The following ANKS1B variants were observed in gnomAD, a reference collection of about 807,000 sequenced individuals.
ANKS1B encodes the protein ankyrin repeat and sterile alpha motif domain-containing protein 1B.
A neutral mutation model predicts 148.3 loss-of-function variants in ANKS1B; 36 were observed. That is an observed-to-expected ratio of 0.24 (90% CI 0.19 to 0.32). The LOEUF is 0.32. ANKS1B is among the 10% of genes least tolerant of loss of function. The pLI, the probability that ANKS1B is intolerant of heterozygous loss-of-function variation, is 1.00. For synonymous variants in ANKS1B, 542 were observed against 560.8 expected (o/e 0.97, Z 0.47); for missense variants, 1,157 against 1,542.6 (o/e 0.75, Z 4.19).
At chr12:99,593,529 G>A (rs1174280301) in intron 9 of ANKS1B, among the ~76,000 whole-genome samples, 5 of 152,048 alleles carry the variant, frequency 3.3e-5, no homozygotes, top group African/African-American at 4.8e-5. Flanking sequence ...ATAATTTAAT[G>A]TTAAGGTACA....
chr12:99,271,014 T>C (rs1208312644), intron 12 of ANKS1B, among the ~76,000 whole-genome samples: 2 of 152,338 alleles, frequency 1.3e-5, no homozygotes, highest in South Asian at 2.1e-4. Context: ...GAGTTTTGAA[T>C]GTGATCAGAG....
At chr12:99,788,181 A>G (rs2065204061) in intron 4 of ANKS1B, among the ~76,000 whole-genome samples, 1 of 152,174 alleles carries the variant, frequency 6.6e-6, no homozygotes, top group Admixed American at 6.5e-5. Context: ...TCCTCCACCA[A>G]CCTCAGGCAG....
intron 17 of ANKS1B, among the ~76,000 whole-genome samples, chr12:99,014,910 C>A (rs1257849719): frequency 6.6e-6 from 1 of 152,192 alleles, no homozygotes; most frequent in African/African-American, 2.4e-5. Flanking sequence ...CACTTATACA[C>A]CGTTGGTGTG....
intron 8 of ANKS1B, among the ~76,000 whole-genome samples, chr12:99,743,171 G>T (rs1197931058): frequency 1.3e-5 from 2 of 151,942 alleles, no homozygotes; most frequent in Admixed American, 1.3e-4. Flanking sequence ...ATTGTATCAG[G>T]GTCTCTCAAC....
chr12:98,975,161 C>T (rs559911916), intron 17 of ANKS1B, among the ~76,000 whole-genome samples: 102 of 146,918 alleles, frequency 6.9e-4, no homozygotes, highest in Non-Finnish European at 1.3e-3. Context: ...TCTCTTCCTT[C>T]CCTCCCTCCC....
rs186614618 is a variant in ANKS1B at position 99,610,011 on chromosome 12, C to T, written c.1272+45056G>A. ...ACTGGAGTGAGTCAGTTGCCTCAGC[C>T]GCTCCACATTGAACACCAGAGTTAC... On this transcript the variant is annotated intron_variant, in intron 9 of 26. Transcript: ENST00000683438. 4.8e-4 allele frequency among the ~76,000 whole-genome samples: 73 copies of T among 152,112 alleles called. 1 individual carries two copies. Among genetic ancestry groups the T allele is most frequent in the Middle Eastern group, 3.4e-3 (1 of 294 alleles).
chr12:99,775,953 C>T lies in ANKS1B; in HGVS notation c.848-292G>A, dbSNP rs188082248. ...ATTCTTTCCTTAAAAATAAATTCAC[C>T]TATTGAAGATACAATAAACTCCTTG... On this transcript the variant is annotated intron_variant, in intron 6 of 26. Transcript: ENST00000683438. Among the ~76,000 whole-genome samples the T allele has an allele frequency of 1.4e-4, 21 of 152,210 alleles. No homozygotes were observed. In the East Asian group the frequency reaches 3.5e-3, roughly 25 times the overall value.
chr12:98,923,562 G>GA (rs1291373910), intron 17 of ANKS1B, among the ~76,000 whole-genome samples: 3 of 151,984 alleles, frequency 2.0e-5, no homozygotes, highest in Non-Finnish European at 2.9e-5. Flanking sequence ...TGCACAAATG[G>GA]AAAAAAATCC....
intron 11 of ANKS1B, among the ~76,000 whole-genome samples, chr12:99,405,673 A>G (rs1392266179): frequency 6.9e-6 from 1 of 144,806 alleles, no homozygotes; most frequent in Non-Finnish European, 1.5e-5. Context: ...CAATGGCAGG[A>G]TAAGTGCTTA....
At chr12:99,083,937 A>AGG (rs1272768063) in intron 16 of ANKS1B, 4 of 152,092 alleles carry the variant, frequency 2.6e-5, no homozygotes, top group African/African-American at 9.7e-5. Flanking sequence ...TTATCAATTA[A>AGG]AATCCCACAT....
At chr12:99,867,099 C>A (rs373614832) in intron 1 of ANKS1B, among the ~76,000 whole-genome samples, 295 of 152,184 alleles carry the variant, frequency 1.9e-3, no homozygotes, top group African/African-American at 6.7e-3. Context: ...TTATTTAAAT[C>A]TCCTTCCTAT....
At chr12:99,415,517 T>C (rs1225364761) in intron 11 of ANKS1B, among the ~76,000 whole-genome samples, 1 of 152,346 alleles carries the variant, frequency 6.6e-6, no homozygotes, top group Admixed American at 6.5e-5. Context: ...TTTAATTAAA[T>C]TTTTTATTTT....
At chr12:99,405,376 A>G (rs1465111112) in intron 11 of ANKS1B, among the ~76,000 whole-genome samples, 2 of 145,748 alleles carry the variant, frequency 1.4e-5, no homozygotes, top group African/African-American at 5.2e-5. Context: ...GAAACAACAA[A>G]AGTTAAAAAG....
At chr12:99,576,730 A>C (rs2097523571) in intron 9 of ANKS1B, among the ~76,000 whole-genome samples, 1 of 152,236 alleles carries the variant, frequency 6.6e-6, no homozygotes, top group Non-Finnish European at 1.5e-5. Context: ...GACACAGCTA[A>C]AGTAGTTTTA....
intron 17 of ANKS1B, among the ~76,000 whole-genome samples, chr12:98,844,089 C>T (rs2099429074): frequency 6.6e-6 from 1 of 152,124 alleles, no homozygotes; most frequent in African/African-American, 2.4e-5. Context: ...ACAGAACCTG[C>T]TCAGGAGGGC....
chr12:98,944,171 GT>G (rs1567927286), intron 17 of ANKS1B, among the ~76,000 whole-genome samples: 5 of 151,946 alleles, frequency 3.3e-5, no homozygotes, highest in African/African-American at 4.8e-5. Context: ...GTGGGGGCAC[GT>G]GCCTGTAATC....
Position 98,744,741 on chromosome 12 carries a change from C to T in ANKS1B, c.*998G>A. On this transcript the variant is annotated 3_prime_UTR_variant, in exon 27 of 27. Coordinates refer to ENST00000683438, the MANE Select transcript of ANKS1B (RefSeq NM_001352186.2). ...AATTTTTGCAATAGAATTTTATTAA[C>T]ACCTTTCTCAAACAAGGTTTCCATG... The T allele has an allele frequency of 1.0e-6, 1 of 980,506 alleles. No individual in the cohort carries two copies. Among genetic ancestry groups the T allele is most frequent in the Non-Finnish European group, 1.2e-6 (1 of 828,240 alleles). 60.7% of individuals were successfully genotyped at this position (980,506 alleles called of 1,614,324 possible).
intron 8 of ANKS1B, among the ~76,000 whole-genome samples, chr12:99,701,382 A>G (rs914330353): frequency 2.0e-5 from 3 of 152,100 alleles, no homozygotes; most frequent in African/African-American, 4.8e-5. Flanking sequence ...CTTTTTTTAA[A>G]TCTTGTATTT....
chr12:99,696,978 G>T (rs921354581), intron 8 of ANKS1B, among the ~76,000 whole-genome samples: 1 of 152,284 alleles, frequency 6.6e-6, no homozygotes, highest in African/African-American at 2.4e-5. Context: ...TGCATGAAAA[G>T]ATGCGAATAC....
Sources: gnomAD v4.1 joint callset for allele counts (sites outside exome capture counted in the v4.1 genomes callset) on GRCh38, gnomAD v4.1.1 for gene constraint, MANE v1.5 for transcripts, NCBI Gene and HGNC (gene_info 2026-07-23, HGNC 2026-07-21) for gene names.